Variants in FGF12 observed in about 807,000 individuals in gnomAD.
FGF12 encodes the protein fibroblast growth factor 12B.
In FGF12, 14 loss-of-function variants were observed where a neutral mutation model predicts 23.6. That is an observed-to-expected ratio of 0.59 (90% CI 0.39 to 0.93). FGF12 has a LOEUF of 0.93. Ranked by LOEUF, FGF12 falls within the 40% of genes least tolerant of loss-of-function variation. The probability of loss-of-function intolerance (pLI) is 0.00; values close to 1 mark genes in which losing one functional copy is unlikely to be tolerated. For missense variants in FGF12, 175 were observed against 217.8 expected (o/e 0.80, Z 1.24); for synonymous variants, 62 against 77.3 (o/e 0.80, Z 1.04).
rs1577144644 is a variant in FGF12 at position 192,727,276 on chromosome 3, G to A, written c.-83C>T. On this transcript the variant is annotated 5_prime_UTR_variant, in exon 2 of 6. Transcript: ENST00000445105. The stretch of plus-strand genomic sequence containing the variant: ...CGCTTCAGATTCCCAAATCTGGGAA[G>A]CCAATCTGATGATTTCGCCCGTACT... The A allele has an allele frequency of 5.5e-5, 85 of 1,553,672 alleles. 2 individuals carry two copies. In the South Asian group the frequency reaches 9.7e-4, roughly 18 times the overall value.
chr3:192,311,844 G>C (rs1247920618), intron 4 of FGF12, among the ~76,000 whole-genome samples: 3 of 152,066 alleles, frequency 2.0e-5, no homozygotes, highest in Non-Finnish European at 4.4e-5. Context: ...GCGGGTGGGA[G>C]GTGGTATCTT....
At chr3:192,483,205 C>G (rs1039255624) in intron 2 of FGF12, among the ~76,000 whole-genome samples, 1 of 152,124 alleles carries the variant, frequency 6.6e-6, no homozygotes, top group Admixed American at 6.6e-5. Context: ...TACCTAACAT[C>G]TACCTATGTC....
At chr3:192,573,599 T>C (rs550842557) in intron 2 of FGF12, among the ~76,000 whole-genome samples, 1 of 152,230 alleles carries the variant, frequency 6.6e-6, no homozygotes, top group Non-Finnish European at 1.5e-5. Flanking sequence ...CTGCAGACAG[T>C]GGACCAGCCT....
At chr3:192,582,593 C>T (rs1713200614) in intron 2 of FGF12, among the ~76,000 whole-genome samples, 1 of 151,856 alleles carries the variant, frequency 6.6e-6, no homozygotes. Flanking sequence ...AGGAGCTAAA[C>T]TGACTTGAAT....
chr3:192,321,421 AT>A (rs1327936030), intron 4 of FGF12, among the ~76,000 whole-genome samples: 6 of 151,702 alleles, frequency 4.0e-5, no homozygotes, highest in African/African-American at 1.2e-4. Flanking sequence ...ATTTCAAAAA[AT>A]AGAAGAGGAG....
At chr3:192,196,124 T>C (rs1407211235) in intron 4 of FGF12, among the ~76,000 whole-genome samples, 2 of 152,306 alleles carry the variant, frequency 1.3e-5, no homozygotes, top group East Asian at 3.9e-4. Flanking sequence ...TGTTTTTCTG[T>C]GTCTAGCTTA....
At chr3:192,398,333 G>A (rs1430350410) in intron 2 of FGF12, among the ~76,000 whole-genome samples, 1 of 151,956 alleles carries the variant, frequency 6.6e-6, no homozygotes, top group East Asian at 1.9e-4. Context: ...GGGGTGAGGG[G>A]AGCTACAGTT....
intron 4 of FGF12, among the ~76,000 whole-genome samples, chr3:192,259,801 A>G (rs182619237): frequency 8.3e-4 from 126 of 152,272 alleles, no homozygotes; most frequent in African/African-American, 2.8e-3. Context: ...GTTGAAGGAA[A>G]AGTTTGCTGA....
chr3:192,592,366 T>C (rs1439166667), intron 2 of FGF12, among the ~76,000 whole-genome samples: 3 of 151,840 alleles, frequency 2.0e-5, no homozygotes, highest in Non-Finnish European at 4.4e-5. Flanking sequence ...CCAATCTTAT[T>C]TGTCTACTGC....
At chr3:192,155,840 T>C (rs1418821924) in intron 5 of FGF12, among the ~76,000 whole-genome samples, 6 of 152,192 alleles carry the variant, frequency 3.9e-5, no homozygotes, top group Admixed American at 1.3e-4. Context: ...TCTTAAACTG[T>C]GGTTCTCAAA....
intron 2 of FGF12, among the ~76,000 whole-genome samples, chr3:192,540,039 C>A (rs1029680622): frequency 6.6e-6 from 1 of 151,682 alleles, no homozygotes; most frequent in Admixed American, 6.6e-5. Flanking sequence ...TCTCTCTTTT[C>A]TTTCTTAGTC....
chr3:192,168,567 T>C, intron 5 of FGF12, among the ~76,000 whole-genome samples: 1 of 152,200 alleles, frequency 6.6e-6, no homozygotes. Context: ...TCACTTAACA[T>C]TTTACTTTTG....
At position 192,705,616 on chromosome 3, in the gene FGF12, AT is replaced by A. The variant is rs1718443720; in HGVS notation, c.13+21564del. Among the ~76,000 whole-genome samples, 3 of 152,248 alleles carry A rather than the reference AT, an allele frequency of 2.0e-5. No homozygotes were observed. In the South Asian group the frequency reaches 6.2e-4, roughly 31 times the overall value. ...AAAACAATTACAATAATAGCATCAA[AT>A]ATTACAGATCACCATGAAAGTTATA... On this transcript the variant is annotated intron_variant, in intron 2 of 5. Coordinates refer to ENST00000445105, the MANE Select transcript of FGF12 (RefSeq NM_004113.6).
chr3:192,303,159 CA>C (rs1254228759), intron 4 of FGF12, among the ~76,000 whole-genome samples: 2 of 152,192 alleles, frequency 1.3e-5, no homozygotes, highest in African/African-American at 2.4e-5. Context: ...ATGTTAATTG[CA>C]ATGTACTTTT....
chr3:192,548,209 A>G (rs1049316096), intron 2 of FGF12, among the ~76,000 whole-genome samples: 2 of 152,138 alleles, frequency 1.3e-5, no homozygotes, highest in Non-Finnish European at 2.9e-5. Context: ...ACATAGAGAG[A>G]CTTTAGAGCT....
At chr3:192,654,163 C>A (rs62293057) in intron 2 of FGF12, among the ~76,000 whole-genome samples, 4,753 of 152,210 alleles carry the variant, frequency 0.031, 80 homozygotes, top group Middle Eastern at 0.065. Context: ...GAATTTTAGG[C>A]TTGGAAGTAG....
At position 192,143,379 on chromosome 3, in the gene FGF12, T is replaced by A. The variant is rs1289822551; in HGVS notation, c.*630A>T. On this transcript the variant is annotated 3_prime_UTR_variant, in exon 6 of 6. Coordinates refer to ENST00000445105, the MANE Select transcript of FGF12 (RefSeq NM_004113.6). ...GATTTTCCTTTTACATAAAACAATC[T>A]TAAATTACATCTCAAAAATAATTTC... The A allele has an allele frequency of 1.3e-5, 2 of 152,168 alleles. No individual in the cohort carries two copies. Among genetic ancestry groups the A allele is most frequent in the Admixed American group, 1.3e-4 (2 of 15,266 alleles). 9.4% of individuals were successfully genotyped at this position (152,168 alleles called of 1,614,324 possible).
chr3:192,635,321 C>G (rs944970546), intron 2 of FGF12, among the ~76,000 whole-genome samples: 6 of 152,082 alleles, frequency 3.9e-5, no homozygotes, highest in Non-Finnish European at 8.8e-5. Context: ...CCTCTTTACT[C>G]ATAACTCTTC....
chr3:192,541,952 C>A (rs1223024620), intron 2 of FGF12, among the ~76,000 whole-genome samples: 2 of 151,494 alleles, frequency 1.3e-5, no homozygotes, highest in Middle Eastern at 6.4e-3. Context: ...TTTTAGGATC[C>A]TTTCTTTATC....
Sources: allele counts gnomAD v4.1 joint callset (sites outside exome capture counted in the v4.1 genomes callset), GRCh38; gene constraint gnomAD v4.1.1; transcripts MANE v1.5; gene names NCBI Gene and HGNC (gene_info 2026-07-23, HGNC 2026-07-21).